The following CHRM2 variants were observed in gnomAD, a reference collection of about 807,000 sequenced individuals.
CHRM2 encodes muscarinic acetylcholine receptor M2.
CHRM2 carries 8 observed loss-of-function variants against 25.0 expected under a neutral mutation model. That is an observed-to-expected ratio of 0.32 (90% CI 0.19 to 0.58). The LOEUF is 0.58. Ranked by LOEUF, CHRM2 falls within the 20% of genes least tolerant of loss-of-function variation. The pLI is 0.88. For missense variants in CHRM2, 440 were observed against 567.1 expected, an observed-to-expected ratio of 0.78 and a Z score of 2.28; for synonymous variants, 202 against 205.7, an observed-to-expected ratio of 0.98 and a Z score of 0.15.
chr7:136,999,266 A>G (rs539893656), intron 3 of CHRM2, among the ~76,000 whole-genome samples: 1 of 152,242 alleles, frequency 6.6e-6, no homozygotes, highest in South Asian at 2.1e-4. Context: ...GCTAATGCAC[A>G]TGGGGCTTAA....
At chr7:136,892,053 G>C (rs1203653880) in intron 2 of CHRM2, among the ~76,000 whole-genome samples, 2 of 152,158 alleles carry the variant, frequency 1.3e-5, no homozygotes, top group Non-Finnish European at 2.9e-5. Context: ...TTACACAGCA[G>C]GTATTAACAC....
chr7:136,978,913 G>A (rs1456906959), intron 2 of CHRM2, among the ~76,000 whole-genome samples: 28 of 152,092 alleles, frequency 1.8e-4, no homozygotes, highest in Non-Finnish European at 7.4e-5. Context: ...ATAAACATAC[G>A]TGTGCATGTG....
chr7:136,925,392 G>A (rs1328325449), intron 2 of CHRM2, among the ~76,000 whole-genome samples: 2 of 152,030 alleles, frequency 1.3e-5, no homozygotes, highest in Non-Finnish European at 2.9e-5. Flanking sequence ...AGAGAAATTT[G>A]GGGCTCAATA....
intron 2 of CHRM2, among the ~76,000 whole-genome samples, chr7:136,965,586 AT>A (rs932141630): frequency 6.6e-6 from 1 of 152,098 alleles, no homozygotes; most frequent in Non-Finnish European, 1.5e-5. Context: ...AATAAATGGA[AT>A]GGTCTAGAAA....
At chr7:136,986,854 T>C (rs1028814103) in intron 2 of CHRM2, among the ~76,000 whole-genome samples, 1 of 152,176 alleles carries the variant, frequency 6.6e-6, no homozygotes, top group African/African-American at 2.4e-5. Flanking sequence ...TTGCTCAAAC[T>C]CATTCTTATT....
chr7:136,924,472 T>G (rs1317245811), intron 2 of CHRM2, among the ~76,000 whole-genome samples: 1 of 151,890 alleles, frequency 6.6e-6, no homozygotes, highest in Non-Finnish European at 1.5e-5. Context: ...TTTGGTTTTT[T>G]GTCTTTGTGA....
rs73447154 is a variant in CHRM2 at position 136,993,787 on chromosome 7, A to C, written c.-47+1523A>C. Among the ~76,000 whole-genome samples, 244 of 152,286 alleles carry C rather than the reference A, an allele frequency of 1.6e-3. 1 individual carries two copies. Among genetic ancestry groups the C allele is most frequent in the African/African-American group, 5.5e-3 (230 of 41,558 alleles). On this transcript the variant is annotated intron_variant, in intron 3 of 3. Transcript: ENST00000680005. ...ATCCAACCCCAAAGTGAAAAAGTAA[A>C]ATGAGGAAAAATACAGATCCTAAAT... is the stretch of plus-strand genomic sequence containing the variant.
At chr7:136,874,846 G>T (rs2130468549) in intron 2 of CHRM2, among the ~76,000 whole-genome samples, 1 of 151,686 alleles carries the variant, frequency 6.6e-6, no homozygotes, top group South Asian at 2.1e-4. Flanking sequence ...GGGGTGGGAA[G>T]GATATTTATA....
chr7:136,933,876 A>C (rs558958069), intron 2 of CHRM2, among the ~76,000 whole-genome samples: 1 of 152,306 alleles, frequency 6.6e-6, no homozygotes, highest in Non-Finnish European at 1.5e-5. Context: ...ACAGAGATGG[A>C]AAGTAGAATG....
intron 2 of CHRM2, among the ~76,000 whole-genome samples, chr7:136,959,006 G>A (rs932432317): frequency 6.6e-6 from 1 of 152,102 alleles, no homozygotes; most frequent in Non-Finnish European, 1.5e-5. Context: ...TTTTAGAGAT[G>A]TCTGAAAAGA....
At chr7:136,916,066 C>T (rs1173444109) in intron 2 of CHRM2, among the ~76,000 whole-genome samples, 1 of 151,818 alleles carries the variant, frequency 6.6e-6, no homozygotes, top group African/African-American at 2.4e-5. Context: ...GCCCCATTCA[C>T]AGGAACCATT....
rs529167572 is a variant in CHRM2 at position 136,963,618 on chromosome 7, A to G, written c.-124-28569A>G. On this transcript the variant is annotated intron_variant, in intron 2 of 3. Coordinates refer to ENST00000680005, the MANE Select transcript of CHRM2 (RefSeq NM_001006630.2). ...TCTATTCAAGGCGCACGTCCCCACA[A>G]TTTAGTCCAGTACATTTCAGTTCAT... Among the ~76,000 whole-genome samples, 6 of 152,230 alleles carry G rather than the reference A, an allele frequency of 3.9e-5. No homozygotes were observed. The South Asian group carries it at 1.2e-3, about 32-fold the overall frequency.
At chr7:136,905,321 G>A (rs988959020) in intron 2 of CHRM2, among the ~76,000 whole-genome samples, 29 of 151,288 alleles carry the variant, frequency 1.9e-4, no homozygotes, top group Non-Finnish European at 3.8e-4. Context: ...AAATGCACTC[G>A]TTTTTTATTT....
chr7:136,982,731 G>T (rs538648161), intron 2 of CHRM2, among the ~76,000 whole-genome samples: 2 of 152,198 alleles, frequency 1.3e-5, no homozygotes, highest in Non-Finnish European at 2.9e-5. Context: ...GAAATTCTGG[G>T]TTGAAAATTC....
chr7:136,879,975 C>G (rs1563041259), intron 2 of CHRM2, among the ~76,000 whole-genome samples: 1 of 151,592 alleles, frequency 6.6e-6, no homozygotes, highest in African/African-American at 2.4e-5. Flanking sequence ...AATGACTCCC[C>G]TTTGCTATTC....
intron 2 of CHRM2, chr7:136,903,371 T>C (rs1180977235): frequency 2.1e-5 from 8 of 378,328 alleles, no homozygotes; most frequent in Non-Finnish European, 3.7e-5. Context: ...AGTCTTACTC[T>C]TCCTGCTTTC....
chr7:136,924,811 C>G (rs983150201), intron 2 of CHRM2, among the ~76,000 whole-genome samples: 1 of 152,168 alleles, frequency 6.6e-6, no homozygotes, highest in African/African-American at 2.4e-5. Flanking sequence ...TTATGGTGAG[C>G]CACATTTTGC....
intron 2 of CHRM2, among the ~76,000 whole-genome samples, chr7:136,890,417 T>C (rs555871593): frequency 7.9e-4 from 120 of 152,346 alleles, no homozygotes; most frequent in African/African-American, 2.5e-3. Flanking sequence ...CTGTGACCAC[T>C]GGCTACCTTT....
chr7:136,888,285 C>G (rs1038227416), intron 2 of CHRM2, among the ~76,000 whole-genome samples: 1 of 152,184 alleles, frequency 6.6e-6, no homozygotes, highest in Non-Finnish European at 1.5e-5. Context: ...CCAAATTCCC[C>G]TCTTCCCTGT....
Sources: allele counts gnomAD v4.1 joint callset (sites outside exome capture counted in the v4.1 genomes callset), GRCh38; gene constraint gnomAD v4.1.1; transcripts MANE v1.5; gene names NCBI Gene and HGNC (gene_info 2026-07-23, HGNC 2026-07-21).